The following RYR2 variants were observed in gnomAD, a reference collection of about 807,000 sequenced individuals.
RYR2 encodes the protein cardiac muscle ryanodine receptor-calcium release channel.
RYR2 carries 227 observed loss-of-function variants against 601.1 expected under a neutral mutation model. The ratio of observed to expected loss-of-function variants is 0.38; its 90% CI spans 0.34 to 0.42. The LOEUF is 0.42. RYR2 is among the 10% of genes least tolerant of loss of function. The pLI is 1.00. For synonymous variants in RYR2, 2,223 were observed against 2,175.1 expected, an observed-to-expected ratio of 1.02 and a Z score of -0.61; for missense variants, 4,646 against 6,156.5, an observed-to-expected ratio of 0.75 and a Z score of 8.21.
chr1:237,656,379 A>G (rs2148825207), intron 53 of RYR2, among the ~76,000 whole-genome samples: 1 of 152,316 alleles, frequency 6.6e-6, no homozygotes, highest in East Asian at 1.9e-4. Flanking sequence ...GCGAGTAGCA[A>G]GGGAATCCCT....
rs562314626 is a variant in RYR2, at chr1:237,310,244, TA to T, written c.169-20632del. On this transcript the variant is annotated intron_variant, in intron 2 of 104. Transcript: ENST00000366574. ...TGGATGACTACTGTAGGTATTATAC[TA>T]ATGGTATCTACTGCTTTTGTAGATT... Among the ~76,000 whole-genome samples, 100 of 152,314 alleles carry T rather than the reference TA, an allele frequency of 6.6e-4. No individual in the cohort carries two copies. In the Middle Eastern group the frequency reaches 0.01, roughly 16 times the overall value.
intron 17 of RYR2, among the ~76,000 whole-genome samples, chr1:237,476,198 C>T (rs1316243234): frequency 6.6e-6 from 1 of 152,140 alleles, no homozygotes; most frequent in Admixed American, 6.6e-5. Flanking sequence ...GAAGTCCTGT[C>T]TGGGTTTAAG....
At chr1:237,263,992 G>T (rs184647148) in intron 1 of RYR2, among the ~76,000 whole-genome samples, 2 of 152,108 alleles carry the variant, frequency 1.3e-5, no homozygotes, top group Non-Finnish European at 2.9e-5. Flanking sequence ...TAGGGCGACC[G>T]TGGAAGTGGT....
chr1:237,649,987 C>T lies in RYR2; in HGVS notation c.7623C>T (p.His2541=), dbSNP rs753435083. The change falls in exon 50 of 105, where the codon CAC becomes CAT. Residue 2541 remains histidine (H), a synonymous_variant. Coordinates refer to ENST00000366574, the MANE Select transcript of RYR2 (RefSeq NM_001035.3). Reference sequence around the variant, plus strand: ...CTCTCTTTGCTGGCACAGAGCACCACGCTTCTCTCATTGACTCATTACTTC... The same window carrying T: ...CTCTCTTTGCTGGCACAGAGCACCATGCTTCTCTCATTGACTCATTACTTC... The part of the protein sequence containing the change: ...CAPLFAGTEH[H]ASLIDSLLHT... 56 of 1,613,844 alleles carry T rather than the reference C, an allele frequency of 3.5e-5. No homozygotes were observed. Among genetic ancestry groups the T allele is most frequent in the Middle Eastern group, 3.3e-4 (2 of 6,082 alleles).
intron 24 of RYR2, among the ~76,000 whole-genome samples, chr1:237,514,952 T>C (rs1666272287): frequency 1.3e-5 from 2 of 152,234 alleles, no homozygotes; most frequent in African/African-American, 4.8e-5. Flanking sequence ...TTTACATCTT[T>C]AGAAGTTCCA....
intron 1 of RYR2, among the ~76,000 whole-genome samples, chr1:237,127,882 A>G (rs564216092): frequency 7.1e-6 from 1 of 140,560 alleles, no homozygotes; most frequent in South Asian, 2.3e-4. Context: ...CCGGGCGGAG[A>G]CGCTCCTCAC....
chr1:237,642,706 A>T (rs1431465521), intron 47 of RYR2, among the ~76,000 whole-genome samples: 1 of 151,256 alleles, frequency 6.6e-6, no homozygotes, highest in Non-Finnish European at 1.5e-5. Context: ...CTTCAGACCT[A>T]GTCTGTCCTG....
At chr1:237,777,087 C>G (rs780294319) in intron 87 of RYR2, among the ~76,000 whole-genome samples, 8 of 152,186 alleles carry the variant, frequency 5.3e-5, no homozygotes, top group Non-Finnish European at 1.2e-4. Flanking sequence ...AGAAACTGAG[C>G]TCACATGATG....
At chr1:237,593,420 A>G (rs2148457635) in intron 32 of RYR2, 56 bp from the exon 33 acceptor site, 1 of 1,524,374 alleles carries the variant, frequency 6.6e-7, no homozygotes, top group African/African-American at 1.4e-5. Context: ...TTGCAAATCC[A>G]AGTTTTGTTT....
At chr1:237,641,752 G>T (rs1446223859) in intron 47 of RYR2, among the ~76,000 whole-genome samples, 1 of 152,170 alleles carries the variant, frequency 6.6e-6, no homozygotes, top group African/African-American at 2.4e-5. Flanking sequence ...ATGTTGGCCA[G>T]GCTGGCCTGG....
Position 237,643,430 on chromosome 1 carries a change from T to C in RYR2, c.7325T>C (p.Met2442Thr), listed in dbSNP as rs1172576332. ...LVGVISIAFQ[M>T]PTIAKDGNVV... Reference sequence around the variant, plus strand: ...GGCGTTATCAGCATCGCTTTTCAGATGCCAACAATAGCCAAAGGTAAGGCC... The same window carrying C: ...GGCGTTATCAGCATCGCTTTTCAGACGCCAACAATAGCCAAAGGTAAGGCC... The change falls in exon 48 of 105, where the codon ATG (methionine) becomes ACG (threonine). Residue 2442 changes from methionine to threonine, a missense_variant. By Grantham distance (81) the Met-to-Thr change is moderately conservative. Coordinates refer to ENST00000366574, the MANE Select transcript of RYR2 (RefSeq NM_001035.3). The C allele has an allele frequency of 1.2e-6, 2 of 1,613,922 alleles. No individual in the cohort carries two copies. The highest frequency in any genetic ancestry group is 2.2e-5 in the South Asian group (2 of 91,082).
At chr1:237,308,750 T>C (rs12753804) in intron 2 of RYR2, among the ~76,000 whole-genome samples, 51,358 of 151,970 alleles carry the variant, frequency 0.34, 8,899 homozygotes, top group South Asian at 0.51. Context: ...CTGCAAGGCG[T>C]GAAAGAACAA....
At chr1:237,720,195 T>A (rs1225046204) in intron 73 of RYR2, among the ~76,000 whole-genome samples, 2 of 152,230 alleles carry the variant, frequency 1.3e-5, no homozygotes, top group Non-Finnish European at 2.9e-5. Context: ...CAGCCTGTTG[T>A]CTTCTATTCT....
At chr1:237,080,623 G>T (rs1321782237) in intron 1 of RYR2, among the ~76,000 whole-genome samples, 1 of 72,544 alleles carries the variant, frequency 1.4e-5, no homozygotes, top group East Asian at 2.8e-4. Flanking sequence ...TAAAAAGTCA[G>T]GAAACAACAG....
chr1:237,730,230 C>T lies in RYR2; in HGVS notation c.10839-30C>T, dbSNP rs377134820. 7.1e-6 allele frequency: 9 copies of T among 1,259,706 alleles called. No individual in the cohort carries two copies. The African/African-American group carries it at 1.0e-4, about 14-fold the overall frequency. 78.0% of individuals were successfully genotyped at this position (1,259,706 alleles called of 1,614,324 possible). A position where few individuals can be genotyped will look rare whatever the true frequency, so the allele number is the denominator to read the frequency against. ...CAATTTCAACTTATTTTCTAAACAC[C>T]CTTTTTCTGAAATTGTGCTTACCTT... On this transcript the variant is annotated intron_variant, in intron 76 of 104. Coordinates refer to ENST00000366574, the MANE Select transcript of RYR2 (RefSeq NM_001035.3).
chr1:237,248,106 T>A (rs934000221), intron 1 of RYR2, among the ~76,000 whole-genome samples: 1 of 151,998 alleles, frequency 6.6e-6, no homozygotes, highest in Non-Finnish European at 1.5e-5. Context: ...ACCCTGTCTC[T>A]ACTAAAAATA....
intron 1 of RYR2, among the ~76,000 whole-genome samples, chr1:237,200,220 G>T (rs1293076729): frequency 6.6e-6 from 1 of 151,600 alleles, no homozygotes; most frequent in African/African-American, 2.4e-5. Flanking sequence ...CAGTTTTATT[G>T]TTTACCATCT....
chr1:237,424,052 C>G (rs1408066468), intron 12 of RYR2, among the ~76,000 whole-genome samples: 1 of 152,082 alleles, frequency 6.6e-6, no homozygotes, highest in Non-Finnish European at 1.5e-5. Context: ...CTCACGAGAA[C>G]TCACTCACTG....
intron 85 of RYR2, among the ~76,000 whole-genome samples, chr1:237,771,788 G>T (rs1043293757): frequency 1.2e-4 from 18 of 152,108 alleles, no homozygotes; most frequent in Admixed American, 3.9e-4. Flanking sequence ...CAATATCTGA[G>T]ACAAAAATTG....
Sources: gnomAD v4.1 joint callset for allele counts (sites outside exome capture counted in the v4.1 genomes callset) on GRCh38, gnomAD v4.1.1 for gene constraint, MANE v1.5 for transcripts, NCBI Gene and HGNC (gene_info 2026-07-23, HGNC 2026-07-21) for gene names.